TNF: variants seen among roughly 807,000 people sequenced by gnomAD.
TNF encodes tumor necrosis factor, also known as APC1 protein.
In TNF, 7 loss-of-function variants were observed where a neutral mutation model predicts 21.8. The ratio of observed to expected loss-of-function variants is 0.32; its 90% CI spans 0.18 to 0.60. TNF has a LOEUF of 0.60. Ranked by LOEUF, TNF falls within the 20% of genes least tolerant of loss-of-function variation. TNF has a pLI of 0.84. For missense variants in TNF, 216 were observed against 296.6 expected, an observed-to-expected ratio of 0.73 and a Z score of 2.00; for synonymous variants, 123 against 130.2, an observed-to-expected ratio of 0.94 and a Z score of 0.38.
intron 2 of TNF, 86 bp from the exon 3 acceptor site, chr6:31,576,681 G>T (rs1196885947): frequency 1.2e-6 from 2 of 1,600,614 alleles, no homozygotes; most frequent in Admixed American, 1.7e-5. Context: ...TTTGGTCTTG[G>T]GGGAGGATGG....
rs749959168 is a variant in TNF at position 31,577,073 on chromosome 6, C to T, written c.281-43C>T. ...GGCCAGGATGTGGAGAGTGAACCGACATGGCCACACTGACTCTCCTCTCCC... is the reference window on the plus strand; with the variant it reads ...GGCCAGGATGTGGAGAGTGAACCGATATGGCCACACTGACTCTCCTCTCCC... On this transcript the variant is annotated intron_variant, in intron 3 of 3. Transcript: ENST00000449264. This position sits in a 1 kb window ranked among gnomAD's most constrained non-coding sequence, Gnocchi z 7.7. 1 of 1,561,774 alleles carries T rather than the reference C, an allele frequency of 6.4e-7. No individual in the cohort carries two copies. The highest frequency in any genetic ancestry group is 1.3e-5 in the African/African-American group (1 of 74,168).
Position 31,575,804 on chromosome 6 carries a change from A to C in TNF, c.63A>C (p.Thr21=), listed in dbSNP as rs766034823. 2 of 1,611,172 alleles carry C rather than the reference A, an allele frequency of 1.2e-6. No individual in the cohort carries two copies. Among genetic ancestry groups the C allele is most frequent in the Non-Finnish European group, 1.7e-6 (2 of 1,178,688 alleles). ...ELAEEALPKK[T]GGPQGSRRCL... ...CCGAGGAGGCGCTCCCCAAGAAGAC[A>C]GGGGGGCCCCAGGGCTCCAGGCGGT... The change falls in exon 1 of 4, where the codon ACA becomes ACC. Residue 21 remains threonine, a synonymous_variant. Transcript: ENST00000449264. This position sits in a 1 kb window ranked among gnomAD's most constrained non-coding sequence, Gnocchi z 6.2.
Position 31,575,878 on chromosome 6 carries a change from C to T in TNF, c.137C>T (p.Thr46Met), listed in dbSNP as rs200241887. 1.1e-5 allele frequency: 18 copies of T among 1,609,526 alleles called. No individual in the cohort carries two copies. In the Middle Eastern group the frequency reaches 6.6e-4, roughly 59 times the overall value. Reference sequence around the variant, plus strand: ...TTCCTGATCGTGGCAGGCGCCACCACGCTCTTCTGCCTGCTGCACTTTGGA... The same window carrying T: ...TTCCTGATCGTGGCAGGCGCCACCATGCTCTTCTGCCTGCTGCACTTTGGA... The part of the protein sequence containing the change: ...FSFLIVAGAT[T>M]LFCLLHFGVI... The change falls in exon 1 of 4, where the codon ACG becomes ATG. Residue 46 changes from threonine to methionine, a missense_variant. Transcript: ENST00000449264. The surrounding 1 kb of genome is among the most constrained non-coding windows in gnomAD (Gnocchi z 6.2).
At chr6:31,576,067 T>G in intron 1 of TNF, 140 bp downstream of exon 1, 1 of 869,524 alleles carries the variant, frequency 1.2e-6, no homozygotes, top group South Asian at 2.6e-5. Context: ...AAGACGGGGA[T>G]GCAGAAAGAG....
rs1345018320 is a variant in TNF, at chr6:31,577,551, C to G, written c.*14C>G. On this transcript the variant is annotated 3_prime_UTR_variant, in exon 4 of 4. Coordinates refer to ENST00000449264, the MANE Select transcript of TNF (RefSeq NM_000594.4). The surrounding 1 kb of genome is among the most constrained non-coding windows in gnomAD (Gnocchi z 7.7). ...ATTGCCCTGTGAGGAGGACGAACATCCAACCTTCCCAAACGCCTCCCCTGC... is the reference window on the plus strand; with the variant it reads ...ATTGCCCTGTGAGGAGGACGAACATGCAACCTTCCCAAACGCCTCCCCTGC... 1 of 1,613,010 alleles carries G rather than the reference C, an allele frequency of 6.2e-7. No individual in the cohort carries two copies. Among genetic ancestry groups the G allele is most frequent in the Non-Finnish European group, 8.5e-7 (1 of 1,180,026 alleles).
intron 2 of TNF, 87 bp from the exon 3 acceptor site, chr6:31,576,680 G>A (rs916067458): frequency 6.3e-7 from 1 of 1,599,406 alleles, no homozygotes; most frequent in African/African-American, 1.4e-5. Flanking sequence ...TTTTGGTCTT[G>A]GGGGAGGATG....
chr6:31,576,707 G>T (rs1234519025), intron 2 of TNF, 60 bp from the exon 3 acceptor site: 1 of 1,602,122 alleles, frequency 6.2e-7, no homozygotes, highest in African/African-American at 1.4e-5. Flanking sequence ...GGTGAAAGTA[G>T]GGGGGTATTT....
rs747406665 is a variant in TNF at position 31,575,838 on chromosome 6, C to T, written c.97C>T (p.Leu33Phe). The T allele has an allele frequency of 1.9e-6, 3 of 1,612,692 alleles. No individual in the cohort carries two copies. The highest frequency in any genetic ancestry group is 2.5e-6 in the Non-Finnish European group (3 of 1,179,332). ...GPQGSRRCLF[L>F]SLFSFLIVAG... is the part of the protein sequence containing the mutation. ...CCAGGGCTCCAGGCGGTGCTTGTTC[C>T]TCAGCCTCTTCTCCTTCCTGATCGT... The change falls in exon 1 of 4, where the codon CTC becomes TTC. Residue 33 changes from leucine (L) to phenylalanine (F), a missense_variant. By Grantham distance (22) the Leu-to-Phe change is conservative. This residue lies in a region of TNF where 118 missense variants were observed against 127.1 expected (regional missense o/e 0.93). Transcript: ENST00000449264. This position sits in a 1 kb window ranked among gnomAD's most constrained non-coding sequence, Gnocchi z 6.2.
In TNF at chr6:31,577,991, C is replaced by T. The variant is rs1275889569; in HGVS notation, c.*454C>T. ...AGCCAGCTCCCTCTATTTATGTTTG[C>T]ACTTGTGATTATTTATTATTTATTT... On this transcript the variant is annotated 3_prime_UTR_variant, in exon 4 of 4. Coordinates refer to ENST00000449264, the MANE Select transcript of TNF (RefSeq NM_000594.4). The surrounding 1 kb of genome is among the most constrained non-coding windows in gnomAD (Gnocchi z 7.7). The T allele has an allele frequency of 1.3e-5, 2 of 159,528 alleles. No individual in the cohort carries two copies. The highest frequency in any genetic ancestry group is 2.7e-5 in the Non-Finnish European group (2 of 73,228). 9.9% of individuals were successfully genotyped at this position (159,528 alleles called of 1,614,324 possible). A position where few individuals can be genotyped will look rare whatever the true frequency, so the allele number is the denominator to read the frequency against.
At chr6:31,576,741 CT>C (rs1771200026) in intron 2 of TNF, 25 bp from the exon 3 acceptor site, 2 of 1,613,060 alleles carry the variant, frequency 1.2e-6, no homozygotes, top group Middle Eastern at 1.6e-4. Flanking sequence ...AGGGTCTCAG[CT>C]TTTTCTTTTC....
In TNF at chr6:31,575,606, G is replaced by T; in HGVS notation, c.-136G>T. ...GCAAGGACAGCAGAGGACCAGCTAAGAGGGAGAGAAGCAACTACAGACCCC... is the reference window on the plus strand; with the variant it reads ...GCAAGGACAGCAGAGGACCAGCTAATAGGGAGAGAAGCAACTACAGACCCC... On this transcript the variant is annotated 5_prime_UTR_variant, in exon 1 of 4. Transcript: ENST00000449264. This position sits in a 1 kb window ranked among gnomAD's most constrained non-coding sequence, Gnocchi z 6.2. 2.5e-6 allele frequency: 2 copies of T among 787,574 alleles called. No individual in the cohort carries two copies. The highest frequency in any genetic ancestry group is 4.0e-6 in the Non-Finnish European group (2 of 501,734). The allele number at this position is 787,574 out of a possible 1,614,324, so 48.8% of individuals were successfully genotyped here.
chr6:31,577,024 G>C lies in TNF; in HGVS notation c.281-92G>C. ...TGACAGACAGAGAGGACAGGAACCG[G>C]ATGTGGGGTGGGCAGAGCTCGAGGG... On this transcript the variant is annotated intron_variant, in intron 3 of 3. Coordinates refer to ENST00000449264, the MANE Select transcript of TNF (RefSeq NM_000594.4). The surrounding 1 kb of genome is among the most constrained non-coding windows in gnomAD (Gnocchi z 7.7). The C allele has an allele frequency of 6.7e-7, 1 of 1,490,806 alleles. No individual in the cohort carries two copies. The highest frequency in any genetic ancestry group is 9.1e-7 in the Non-Finnish European group (1 of 1,099,944). 92.3% of individuals were successfully genotyped at this position (1,490,806 alleles called of 1,614,324 possible).
At chr6:31,576,033 G>C in intron 1 of TNF, 106 bp downstream of exon 1, 1 of 1,227,998 alleles carries the variant, frequency 8.1e-7, no homozygotes, top group South Asian at 2.0e-5. Context: ...GATAGGGAGG[G>C]ATGGAGAGAA....
At chr6:31,576,489 A>G in intron 1 of TNF, 45 bp from the exon 2 acceptor site, 1 of 1,600,112 alleles carries the variant, frequency 6.2e-7, no homozygotes, top group Non-Finnish European at 8.5e-7. Context: ...TTCCTCCTTT[A>G]AGGGTGACTC....
At position 31,575,593 on chromosome 6, in the gene TNF, G is replaced by A; in HGVS notation, c.-149G>A. 1.4e-6 allele frequency: 1 copy of A among 711,508 alleles called. No individual in the cohort carries two copies. Among genetic ancestry groups the A allele is most frequent in the Admixed American group, 2.7e-5 (1 of 37,100 alleles). 44.1% of individuals were successfully genotyped at this position (711,508 alleles called of 1,614,324 possible). ...AGACGCTCCCTCAGCAAGGACAGCA[G>A]AGGACCAGCTAAGAGGGAGAGAAGC... On this transcript the variant is annotated 5_prime_UTR_variant, in exon 1 of 4. Transcript: ENST00000449264. This position sits in a 1 kb window ranked among gnomAD's most constrained non-coding sequence, Gnocchi z 6.2.
rs911236926 is a variant in TNF, at chr6:31,577,023, G to T, written c.281-93G>T. 2 of 1,485,238 alleles carry T rather than the reference G, an allele frequency of 1.3e-6. No individual in the cohort carries two copies. Among genetic ancestry groups the T allele is most frequent in the Non-Finnish European group, 1.8e-6 (2 of 1,095,750 alleles). The allele number at this position is 1,485,238 out of a possible 1,614,324, so 92.0% of individuals were successfully genotyped here. On this transcript the variant is annotated intron_variant, in intron 3 of 3. Transcript: ENST00000449264. This position sits in a 1 kb window ranked among gnomAD's most constrained non-coding sequence, Gnocchi z 7.7. Reference sequence around the variant, plus strand: ...ATGACAGACAGAGAGGACAGGAACCGGATGTGGGGTGGGCAGAGCTCGAGG... The same window carrying T: ...ATGACAGACAGAGAGGACAGGAACCTGATGTGGGGTGGGCAGAGCTCGAGG...
At chr6:31,576,267 G>T (rs979275312) in intron 1 of TNF, among the ~76,000 whole-genome samples, 2 of 151,910 alleles carry the variant, frequency 1.3e-5, no homozygotes, top group Non-Finnish European at 2.9e-5. Context: ...CAAGTGATAT[G>T]AATAAAGATG....
At position 31,575,981 on chromosome 6, in the gene TNF, G is replaced by T; in HGVS notation, c.186+54G>T. 7.0e-7 allele frequency: 1 copy of T among 1,423,606 alleles called. No individual in the cohort carries two copies. The highest frequency in any genetic ancestry group is 9.3e-7 in the Non-Finnish European group (1 of 1,079,038). 88.2% of individuals were successfully genotyped at this position (1,423,606 alleles called of 1,614,324 possible). A position where few individuals can be genotyped will look rare whatever the true frequency, so the allele number is the denominator to read the frequency against. On this transcript the variant is annotated intron_variant, in intron 1 of 3. Coordinates refer to ENST00000449264, the MANE Select transcript of TNF (RefSeq NM_000594.4). The surrounding 1 kb of genome is among the most constrained non-coding windows in gnomAD (Gnocchi z 6.2). ...CTCCCACCCAAGGGGAAATGGAGAC[G>T]CAAGAGAGGGAGAGAGATGGGATGG...
At position 31,575,973 on chromosome 6, in the gene TNF, A is replaced by G. The variant is rs1771160712; in HGVS notation, c.186+46A>G. ...CATCCACTCTCCCACCCAAGGGGAA[A>G]TGGAGACGCAAGAGAGGGAGAGAGA... On this transcript the variant is annotated intron_variant, in intron 1 of 3. Transcript: ENST00000449264. This position sits in a 1 kb window ranked among gnomAD's most constrained non-coding sequence, Gnocchi z 6.2. The G allele has an allele frequency of 6.9e-7, 1 of 1,440,736 alleles. No individual in the cohort carries two copies. The highest frequency in any genetic ancestry group is 2.6e-5 in the East Asian group (1 of 38,622). The allele number at this position is 1,440,736 out of a possible 1,614,324, so 89.2% of individuals were successfully genotyped here.
Sources: gnomAD v4.1 joint callset for allele counts (sites outside exome capture counted in the v4.1 genomes callset) on GRCh38, gnomAD v4.1.1 for gene constraint, gnomAD v4.1.1 regional missense constraint, Gnocchi (gnomAD v3.1) non-coding constraint, MANE v1.5 for transcripts, NCBI Gene and HGNC (gene_info 2026-07-23, HGNC 2026-07-21) for gene names.